FAT2: variants seen among roughly 807,000 people sequenced by gnomAD.
FAT2 encodes the protein protocadherin Fat 2.
In FAT2, 150 loss-of-function variants were observed where a neutral mutation model predicts 295.3. The ratio of observed to expected loss-of-function variants is 0.51; its 90% CI spans 0.44 to 0.58. The LOEUF is 0.58. Ranked by LOEUF, FAT2 falls within the 20% of genes least tolerant of loss-of-function variation. FAT2 has a pLI of 0.00. For missense variants in FAT2, 4,868 were observed against 5,442.7 expected (o/e 0.89, Z 3.32); for synonymous variants, 2,026 against 2,150.3 (o/e 0.94, Z 1.60).
chr5:151,540,223 G>A (rs1333004071), intron 11 of FAT2, among the ~76,000 whole-genome samples: 1 of 152,082 alleles, frequency 6.6e-6, no homozygotes, highest in Non-Finnish European at 1.5e-5. Context: ...TATCCCTATG[G>A]GGGCCAAGGA....
chr5:151,567,684 G>C lies in FAT2; in HGVS notation c.1248C>G (p.Thr416=), dbSNP rs558846697. Residue 416 remains threonine (T), a synonymous_variant, in exon 2 of 24, where the codon ACC becomes ACG. Transcript: ENST00000261800. ...CGTGGAAGTCCATGAGCTTTGTGGT[G>C]GTGATCAACCCAGTTCGAGCATTAA... The part of the protein sequence containing the change: ...FKLNARTGLI[T]TTKLMDFHDR... 1 of 1,614,038 alleles carries C rather than the reference G, an allele frequency of 6.2e-7. No homozygotes were observed. Among genetic ancestry groups the C allele is most frequent in the Admixed American group, 1.7e-5 (1 of 60,010 alleles).
rs200425648 is a variant in FAT2, at chr5:151,531,851, G to C, written c.9547C>G (p.Leu3183Val). Residue 3183 changes from leucine (L) to valine (V), a missense_variant, in exon 14 of 24, where the codon CTG (leucine) becomes GTG (valine). Around this residue, in one of 5 missense-constraint regions of FAT2, gnomAD observed 1,046 missense variants for 1,210.1 expected, o/e 0.86. Transcript: ENST00000261800. The surrounding 1 kb of genome is among the most constrained non-coding windows in gnomAD (Gnocchi z 5.7). ...TCAGAGGCACGGACCGTGAGCTCCA[G>C]TGGTGCCTGGGGCCTGACCTGCAGC... ...KPLQVRPQAP[L>V]ELTVRASDLG... 3.1e-6 allele frequency: 5 copies of C among 1,614,022 alleles called. No individual in the cohort carries two copies. Among genetic ancestry groups the C allele is most frequent in the Non-Finnish European group, 4.2e-6 (5 of 1,180,032 alleles).
In FAT2 at chr5:151,540,737, T is replaced by C; in HGVS notation, c.8869A>G (p.Ile2957Val). The change falls in exon 11 of 24, where the codon ATC (isoleucine) becomes GTC (valine). Residue 2957 changes from isoleucine to valine, a missense_variant. Coordinates refer to ENST00000261800, the MANE Select transcript of FAT2 (RefSeq NM_001447.3). ...CTCCACTCATCTCCAACTTGGCTGA[T>C]GCCAAACTGGCCCAGGGGGTCTCCC... is the stretch of plus-strand genomic sequence containing the variant. ...TEGDPLGQFG[I>V]SQVGDEWRIS... is the part of the protein sequence containing the mutation. 4 of 1,614,124 alleles carry C rather than the reference T, an allele frequency of 2.5e-6. No individual in the cohort carries two copies. Among genetic ancestry groups the C allele is most frequent in the Non-Finnish European group, 3.4e-6 (4 of 1,180,006 alleles).
chr5:151,584,459 C>G (rs1015880674), intron 1 of FAT2, among the ~76,000 whole-genome samples: 2 of 152,130 alleles, frequency 1.3e-5, no homozygotes, highest in Admixed American at 1.3e-4. Context: ...CAAGTCAAGG[C>G]CAGGAGATGG....
Position 151,531,571 on chromosome 5 carries a change from TG to T in FAT2, c.9811+15del. ...CTGTACGCGATGCTTTGGGGCTTGG[TG>T]GATCAGGCTCTCACCTGTGCGAGCA... On this transcript the variant is annotated intron_variant, in intron 14 of 23. Transcript: ENST00000261800. This position sits in a 1 kb window ranked among gnomAD's most constrained non-coding sequence, Gnocchi z 5.7. The T allele has an allele frequency of 6.2e-7, 1 of 1,611,598 alleles. No homozygotes were observed. Among genetic ancestry groups the T allele is most frequent in the Non-Finnish European group, 8.5e-7 (1 of 1,179,712 alleles).
In FAT2 at chr5:151,545,985, G is replaced by A. The variant is rs1460206117; in HGVS notation, c.5142C>T (p.Thr1714=). The change falls in exon 10 of 24, where the codon ACC becomes ACT. Residue 1714 remains threonine (T), a synonymous_variant. Coordinates refer to ENST00000261800, the MANE Select transcript of FAT2 (RefSeq NM_001447.3). The part of the protein sequence containing the change: ...SMNSYSGLIS[T]QKKLDHEKIS... The stretch of plus-strand genomic sequence containing the variant: ...TTTTCTCATGGTCCAATTTCTTCTG[G>A]GTGGAAATAAGGCCAGAATATGAGT... 1.9e-6 allele frequency: 3 copies of A among 1,613,918 alleles called. No individual in the cohort carries two copies. In the African/African-American group the frequency reaches 4.0e-5, roughly 22 times the overall value.
intron 13 of FAT2, among the ~76,000 whole-genome samples, chr5:151,533,965 T>C (rs970979810): frequency 2.6e-5 from 4 of 152,126 alleles, no homozygotes; most frequent in Non-Finnish European, 2.9e-5. Context: ...ATGTAAAATA[T>C]TGAAAAGGGT....
chr5:151,527,553 T>C (rs1242852819), intron 16 of FAT2, among the ~76,000 whole-genome samples, 176 bp from the exon 17 acceptor site: 2 of 151,580 alleles, frequency 1.3e-5, no homozygotes, highest in African/African-American at 4.9e-5. Context: ...CAGAAATAGG[T>C]GTGATTCCCT....
chr5:151,554,619 C>T lies in FAT2; in HGVS notation c.3688G>A (p.Val1230Ile). 1 of 1,614,054 alleles carries T rather than the reference C, an allele frequency of 6.2e-7. No individual in the cohort carries two copies. The highest frequency in any genetic ancestry group is 1.1e-5 in the South Asian group (1 of 91,082). Residue 1230 changes from valine (V) to isoleucine (I), a missense_variant, in exon 5 of 24, where the codon GTA (valine) becomes ATA (isoleucine). Transcript: ENST00000261800. ...TTGTCATTGACGTCCAAGATGCCTA[C>T]CACCACCCTGGAGGTGGACTTCAGT... ...PSLKSTSRVV[V>I]GILDVNDNPP...
In FAT2 at chr5:151,505,166, A is replaced by C; in HGVS notation, c.*399T>G. The stretch of plus-strand genomic sequence containing the variant: ...CAGGCACCAACCTGCCTGCCTCCAA[A>C]ATGGAGCTGTGGGCAGGTATGAGAA... On this transcript the variant is annotated 3_prime_UTR_variant, in exon 24 of 24. Coordinates refer to ENST00000261800, the MANE Select transcript of FAT2 (RefSeq NM_001447.3). 1 of 282,252 alleles carries C rather than the reference A, an allele frequency of 3.5e-6. No individual in the cohort carries two copies. Among genetic ancestry groups the C allele is most frequent in the Non-Finnish European group, 6.8e-6 (1 of 147,938 alleles). The allele number at this position is 282,252 out of a possible 1,614,324, so 17.5% of individuals were successfully genotyped here. A position where few individuals can be genotyped will look rare whatever the true frequency, so the allele number is the denominator to read the frequency against.
rs747769250 is a variant in FAT2, at chr5:151,507,478, C to A, written c.12193G>T (p.Gly4065Trp). ...AVAFIIISTVGLLFYCRRCKS... is the reference protein window; with the variant it reads ...AVAFIIISTVWLLFYCRRCKS... ...CAACGGCGGCAGTAGAAGAGAAGCCCGACAGTGCTTATGATAATGAACGCC... is the reference window on the plus strand; with the variant it reads ...CAACGGCGGCAGTAGAAGAGAAGCCAGACAGTGCTTATGATAATGAACGCC... Residue 4065 changes from glycine to tryptophan, a missense_variant, in exon 23 of 24, where the codon GGG (glycine) becomes TGG (tryptophan). By Grantham distance (184) the Gly-to-Trp change is radical. Around this residue, in one of 5 missense-constraint regions of FAT2, gnomAD observed 492 missense variants for 482.6 expected, o/e 1.02. Transcript: ENST00000261800. The A allele has an allele frequency of 2.5e-6, 4 of 1,614,098 alleles. No individual in the cohort carries two copies. The South Asian group carries it at 4.4e-5, about 18-fold the overall frequency.
In FAT2 at chr5:151,567,083, C is replaced by T. The variant is rs185188395; in HGVS notation, c.1849G>A (p.Gly617Arg). The T allele has an allele frequency of 9.0e-5, 146 of 1,613,946 alleles. No homozygotes were observed. The highest frequency in any genetic ancestry group is 1.1e-4 in the Non-Finnish European group (133 of 1,179,988). Residue 617 changes from glycine to arginine, a missense_variant, in exon 2 of 24, where the codon GGA (glycine) becomes AGA (arginine). Transcript: ENST00000261800. ...LEYFDLNHFSGVISLKRPFIN... is the reference protein window; with the variant it reads ...LEYFDLNHFSRVISLKRPFIN... The stretch of plus-strand genomic sequence containing the variant: ...AAAGGGCGTTTGAGGGATATCACTC[C>T]GGAGAAATGATTTAGATCAAAATAC...
chr5:151,530,111 T>C (rs6864752), intron 14 of FAT2, among the ~76,000 whole-genome samples: 96,513 of 152,002 alleles, frequency 0.63, 31,562 homozygotes, highest in East Asian at 0.92. Flanking sequence ...AGGAAATGAT[T>C]AGCAAAGCCT....
In FAT2 at chr5:151,568,873, T is replaced by C. The variant is rs766681033; in HGVS notation, c.59A>G (p.Lys20Arg). The change falls in exon 2 of 24, where the codon AAG (lysine) becomes AGG (arginine). Residue 20 changes from lysine (K) to arginine (R), a missense_variant. Lys to Arg is a conservative substitution (Grantham distance 26). This residue lies in a region of FAT2 where 3,297 missense variants were observed against 3,669.4 expected (regional missense o/e 0.90). Coordinates refer to ENST00000261800, the MANE Select transcript of FAT2 (RefSeq NM_001447.3). ...IFLLHCATCE[K>R]PLEGILSSSA... ...GGAGGAGAGAATCCCTTCTAGAGGCTTCTCACAGGTCGCACAATGGAGCAA... is the reference window on the plus strand; with the variant it reads ...GGAGGAGAGAATCCCTTCTAGAGGCCTCTCACAGGTCGCACAATGGAGCAA... The C allele has an allele frequency of 9.5e-5, 154 of 1,613,816 alleles. 3 individuals carry two copies. In the South Asian group the frequency reaches 1.5e-3, roughly 16 times the overall value.
Position 151,506,901 on chromosome 5 carries a change from A to G in FAT2, c.12517+253T>C, listed in dbSNP as rs559734877. On this transcript the variant is annotated intron_variant, in intron 23 of 23. Transcript: ENST00000261800. ...TTCTACCCAACCCTATCCAGGGTCTACACATTTCTGTCATGAACCTCAATC... is the reference window on the plus strand; with the variant it reads ...TTCTACCCAACCCTATCCAGGGTCTGCACATTTCTGTCATGAACCTCAATC... Among the ~76,000 whole-genome samples the G allele has an allele frequency of 1.8e-4, 28 of 152,284 alleles. No homozygotes were observed. In the East Asian group the frequency reaches 5.2e-3, roughly 28 times the overall value.
In FAT2 at chr5:151,540,576, C is replaced by T. The variant is rs2127602197; in HGVS notation, c.9030G>A (p.Gln3010=). 6.2e-7 allele frequency: 1 copy of T among 1,613,132 alleles called. No homozygotes were observed. Among genetic ancestry groups the T allele is most frequent in the Non-Finnish European group, 8.5e-7 (1 of 1,179,540 alleles). The change falls in exon 11 of 24, where the codon CAG becomes CAA. Residue 3010 remains glutamine, a synonymous_variant. Transcript: ENST00000261800. The stretch of plus-strand genomic sequence containing the variant: ...CTCGCCAGGCTCTCACCTGTGAACA[C>T]TGTGGGCTGTTATCATTGACGTCCA... ...FVLDVNDNSP[Q]CSQLLYTGKV...
At chr5:151,538,833 C>T (rs950110892) in intron 11 of FAT2, among the ~76,000 whole-genome samples, 2 of 150,876 alleles carry the variant, frequency 1.3e-5, no homozygotes, top group African/African-American at 4.9e-5. Flanking sequence ...CGTGCCACCA[C>T]ACCTGGCTAA....
In FAT2 at chr5:151,540,677, T is replaced by A. The variant is rs2127602597; in HGVS notation, c.8929A>T (p.Thr2977Ser). 2 of 1,614,238 alleles carry A rather than the reference T, an allele frequency of 1.2e-6. No individual in the cohort carries two copies. The highest frequency in any genetic ancestry group is 1.7e-6 in the Non-Finnish European group (2 of 1,180,044). The change falls in exon 11 of 24, where the codon ACA becomes TCA. Residue 2977 changes from threonine (T) to serine (S), a missense_variant. Thr to Ser is a moderately conservative substitution (Grantham distance 58). This residue lies in a region of FAT2 where 3,297 missense variants were observed against 3,669.4 expected (regional missense o/e 0.90). Transcript: ENST00000261800. The stretch of plus-strand genomic sequence containing the variant: ...GTGACTCTGAGCAAGTACTTGGCTG[T>A]ATGCTCGCGGTCCAGGGTCTTCCTT... Reference protein sequence around the residue: ...SSRKTLDREHTAKYLLRVTAS... With the variant: ...SSRKTLDREHSAKYLLRVTAS...
rs1753425999 is a variant in FAT2 at position 151,521,295 on chromosome 5, C to T, written c.11298G>A (p.Gln3766=). 7 of 1,610,778 alleles carry T rather than the reference C, an allele frequency of 4.3e-6. No individual in the cohort carries two copies. In the East Asian group the frequency reaches 1.3e-4, roughly 31 times the overall value. The change falls in exon 19 of 24, where the codon CAG becomes CAA. Residue 3766 remains glutamine, a synonymous_variant. Transcript: ENST00000261800. The part of the protein sequence containing the change: ...LSILTPRHHL[Q]RSCSCNGTAT... ...ACTTACCATTGCAGGAGCAGCTCCT[C>T]TGCAGGTGGTGCCGCGGGGTTAGGA...
Sources: allele counts gnomAD v4.1 joint callset (sites outside exome capture counted in the v4.1 genomes callset), GRCh38; gene constraint gnomAD v4.1.1; regional missense constraint gnomAD v4.1.1; non-coding constraint Gnocchi (gnomAD v3.1); transcripts MANE v1.5; gene names NCBI Gene and HGNC (gene_info 2026-07-23, HGNC 2026-07-21).